The following PXDNL variants were observed in gnomAD, a reference collection of about 807,000 sequenced individuals.
PXDNL encodes probable oxidoreductase PXDNL.
Under a neutral mutation model 150.8 loss-of-function variants are expected in PXDNL, and 145 were observed. That is an observed-to-expected ratio of 0.96 (90% CI 0.84 to 1.10). PXDNL has a LOEUF of 1.10. Ranked by LOEUF, PXDNL falls within the 50% of genes least tolerant of loss-of-function variation. The pLI, the probability that PXDNL is intolerant of heterozygous loss-of-function variation, is 0.00. For synonymous variants in PXDNL, 757 were observed against 725.7 expected (o/e 1.04, Z -0.69); for missense variants, 2,087 against 1,873.9 (o/e 1.11, Z -2.10).
intron 10 of PXDNL, among the ~76,000 whole-genome samples, chr8:51,451,565 C>G (rs1809808903): frequency 6.6e-6 from 1 of 152,164 alleles, no homozygotes; most frequent in African/African-American, 2.4e-5. Context: ...ACACACAAAG[C>G]ATTTTGACTT....
At chr8:51,571,087 C>CT (rs67843416) in intron 3 of PXDNL, among the ~76,000 whole-genome samples, 7,622 of 149,306 alleles carry the variant, frequency 0.051, 453 homozygotes, top group African/African-American at 0.15. Context: ...TATATCAGTT[C>CT]TTTTTTTTTG....
Position 51,782,894 on chromosome 8 carries a change from C to T in PXDNL, c.164+26287G>A, listed in dbSNP as rs1403880071. ...TCAGACTGTTTCCTTACTGAGCATT[C>T]CCTCTGTATTCAATTTAAGAAACAT... On this transcript the variant is annotated intron_variant, in intron 1 of 22. Coordinates refer to ENST00000356297, the MANE Select transcript of PXDNL (RefSeq NM_144651.5). 3.9e-5 allele frequency among the ~76,000 whole-genome samples: 6 copies of T among 152,164 alleles called. 1 individual carries two copies. The highest frequency in any genetic ancestry group is 1.4e-4 in the African/African-American group (6 of 41,430).
chr8:51,488,493 A>C (rs945432548), intron 5 of PXDNL, among the ~76,000 whole-genome samples: 3 of 152,380 alleles, frequency 2.0e-5, no homozygotes, highest in African/African-American at 7.2e-5. Flanking sequence ...ACATACTGAT[A>C]GATGAGACAG....
intron 1 of PXDNL, among the ~76,000 whole-genome samples, chr8:51,671,972 T>C (rs1446340840): frequency 6.6e-6 from 1 of 152,186 alleles, no homozygotes; most frequent in Non-Finnish European, 1.5e-5. Context: ...AAATTAACTA[T>C]TGCAAGTCAA....
intron 14 of PXDNL, among the ~76,000 whole-genome samples, chr8:51,418,379 T>C (rs1808857244): frequency 6.6e-6 from 1 of 152,222 alleles, no homozygotes; most frequent in Non-Finnish European, 1.5e-5. Flanking sequence ...AATTTAAAAC[T>C]CTTCAGTTAC....
At chr8:51,777,781 T>G (rs2037368120) in intron 1 of PXDNL, among the ~76,000 whole-genome samples, 1 of 152,134 alleles carries the variant, frequency 6.6e-6, no homozygotes, top group South Asian at 2.1e-4. Flanking sequence ...TGGGCGCCTG[T>G]AATCCCAGCT....
At chr8:51,595,069 T>A (rs1038278632) in intron 2 of PXDNL, among the ~76,000 whole-genome samples, 4 of 151,802 alleles carry the variant, frequency 2.6e-5, no homozygotes, top group Non-Finnish European at 4.4e-5. Flanking sequence ...AAGAAGAAAA[T>A]GTAAAAATGT....
chr8:51,519,875 G>A (rs573876253), intron 4 of PXDNL, among the ~76,000 whole-genome samples: 1 of 152,306 alleles, frequency 6.6e-6, no homozygotes, highest in South Asian at 2.1e-4. Flanking sequence ...AGAGAACTGA[G>A]GTCTCAGAGC....
rs563834307 is a variant in PXDNL at position 51,601,198 on chromosome 8, G to A, written c.237-8500C>T. Among the ~76,000 whole-genome samples, 190 of 151,758 alleles carry A rather than the reference G, an allele frequency of 1.3e-3. 2 individuals are homozygous for A. The highest frequency in any genetic ancestry group is 7.9e-3 in the South Asian group (38 of 4,822). On this transcript the variant is annotated intron_variant, in intron 2 of 22. Transcript: ENST00000356297. ...CAGGTGAGAGAATATATATTCTGTG[G>A]TTGATCCATGGAGTATTCCGTAATG...
chr8:51,664,868 C>A (rs956146297), intron 1 of PXDNL, among the ~76,000 whole-genome samples: 1 of 152,150 alleles, frequency 6.6e-6, no homozygotes, highest in Non-Finnish European at 1.5e-5. Flanking sequence ...ACCTGCTCAT[C>A]ACAGCCTGGT....
chr8:51,408,245 A>T lies in PXDNL; in HGVS notation c.3379T>A (p.Phe1127Ile), dbSNP rs1208845706. ...ACGGCCGCAGAATAAGCCGCGGAGA[A>T]GAGCCTCTGGGTCAGCTCAGGACTG... Reference protein sequence around the residue: ...LLSPELTQRLFSAAYSAAVDS... With the variant: ...LLSPELTQRLISAAYSAAVDS... Residue 1127 changes from phenylalanine to isoleucine, a missense_variant, in exon 17 of 23, where the codon TTC (phenylalanine) becomes ATC (isoleucine). Phe to Ile is a conservative substitution (Grantham distance 21, BLOSUM62 0). Coordinates refer to ENST00000356297, the MANE Select transcript of PXDNL (RefSeq NM_144651.5). The T allele has an allele frequency of 1.2e-6, 2 of 1,613,902 alleles. No homozygotes were observed. The highest frequency in any genetic ancestry group is 2.7e-5 in the African/African-American group (2 of 74,930).
chr8:51,597,710 A>ATTTTTT (rs1813604414), intron 2 of PXDNL, among the ~76,000 whole-genome samples: 1 of 136,132 alleles, frequency 7.3e-6, no homozygotes. Flanking sequence ...ATAGGATTGC[A>ATTTTTT]TTTTTTTTCT....
chr8:51,517,113 T>C (rs1811557815), intron 4 of PXDNL, among the ~76,000 whole-genome samples: 1 of 152,172 alleles, frequency 6.6e-6, no homozygotes, highest in Non-Finnish European at 1.5e-5. Context: ...GATGCTCAGC[T>C]CTGATTGAAT....
At chr8:51,500,677 C>G (rs906032960) in intron 4 of PXDNL, among the ~76,000 whole-genome samples, 1 of 152,202 alleles carries the variant, frequency 6.6e-6, no homozygotes, top group African/African-American at 2.4e-5. Context: ...GAAGAAAGCA[C>G]TGCAGATACA....
chr8:51,771,154 T>G (rs2037288764), intron 1 of PXDNL, among the ~76,000 whole-genome samples: 1 of 152,214 alleles, frequency 6.6e-6, no homozygotes. Flanking sequence ...AATAAAAATA[T>G]GTCCAGCCAA....
intron 2 of PXDNL, among the ~76,000 whole-genome samples, chr8:51,631,208 C>T (rs1178233283): frequency 6.6e-6 from 1 of 151,950 alleles, no homozygotes; most frequent in Non-Finnish European, 1.5e-5. Context: ...CATGTTCTTA[C>T]TTATAAGTGG....
intron 1 of PXDNL, among the ~76,000 whole-genome samples, chr8:51,767,504 C>T (rs2037244801): frequency 6.6e-6 from 1 of 152,112 alleles, no homozygotes; most frequent in South Asian, 2.1e-4. Flanking sequence ...TCCTTAAACA[C>T]CTTGAACCAA....
At chr8:51,345,242 T>G (rs1049733638) in intron 20 of PXDNL, among the ~76,000 whole-genome samples, 2 of 152,208 alleles carry the variant, frequency 1.3e-5, no homozygotes, top group African/African-American at 4.8e-5. Context: ...AAGGTAGTGT[T>G]TCTGCTTTCA....
At chr8:51,610,409 T>G (rs571224843) in intron 2 of PXDNL, among the ~76,000 whole-genome samples, 1 of 152,344 alleles carries the variant, frequency 6.6e-6, no homozygotes, top group African/African-American at 2.4e-5. Flanking sequence ...CATTTGCTAT[T>G]ATAATTCTAT....
Sources: gnomAD v4.1 joint callset for allele counts (sites outside exome capture counted in the v4.1 genomes callset) on GRCh38, gnomAD v4.1.1 for gene constraint, MANE v1.5 for transcripts, NCBI Gene and HGNC (gene_info 2026-07-23, HGNC 2026-07-21) for gene names.